PLCB1: variants seen among roughly 807,000 people sequenced by gnomAD.
The protein encoded by PLCB1 is phospholipase C beta 1, also known as 1-phosphatidylinositol 4,5-bisphosphate phosphodiesterase beta-1.
A neutral mutation model predicts 161.8 loss-of-function variants in PLCB1; 46 were observed. The ratio of observed to expected loss-of-function variants is 0.28; its 90% CI spans 0.22 to 0.36. The LOEUF (loss-of-function observed/expected upper bound fraction) is 0.36. Among genes scored for constraint, PLCB1 ranks in the 10% least tolerant of loss-of-function variants. The pLI, the probability that PLCB1 is intolerant of heterozygous loss-of-function variation, is 1.00. For synonymous variants in PLCB1, 517 were observed against 503.7 expected, an observed-to-expected ratio of 1.03 and a Z score of -0.35; for missense variants, 1,016 against 1,472.5, an observed-to-expected ratio of 0.69 and a Z score of 5.07.
chr20:8,349,823 T>C (rs1232783), intron 2 of PLCB1, among the ~76,000 whole-genome samples: 28,957 of 151,906 alleles, frequency 0.19, 3,083 homozygotes, highest in East Asian at 0.38. Flanking sequence ...GGGGTCAGAA[T>C]GGTCTGTGGA....
rs777647424 is a variant in PLCB1, at chr20:8,132,741, G to A, written c.90G>A (p.Lys30=). ...TCAAGAAGGGCACCAAATTCGTCAA[G>A]TGGGATGATGTAAGTATTGGGGCGG... ...DSLKKGTKFV[K]WDDDSTIVTP... Residue 30 remains lysine (K), a synonymous_variant, in exon 1 of 32, where the codon AAG becomes AAA. Coordinates refer to ENST00000338037, the MANE Select transcript of PLCB1 (RefSeq NM_015192.4). The surrounding 1 kb of genome is among the most constrained non-coding windows in gnomAD (Gnocchi z 5.2). 3.1e-6 allele frequency: 5 copies of A among 1,610,648 alleles called. No individual in the cohort carries two copies. The highest frequency in any genetic ancestry group is 2.2e-5 in the East Asian group (1 of 44,818).
chr20:8,668,626 G>A (rs1271632224), intron 9 of PLCB1, among the ~76,000 whole-genome samples: 1 of 152,130 alleles, frequency 6.6e-6, no homozygotes, highest in African/African-American at 2.4e-5. Flanking sequence ...AGAGAAAGCA[G>A]CTTACAAAAA....
At chr20:8,359,733 C>A (rs1248627182) in intron 2 of PLCB1, among the ~76,000 whole-genome samples, 2 of 152,064 alleles carry the variant, frequency 1.3e-5, no homozygotes, top group African/African-American at 4.8e-5. Context: ...TGACTGAGAA[C>A]CCCTAGTCTC....
chr20:8,227,609 C>A (rs1488169547), intron 2 of PLCB1, among the ~76,000 whole-genome samples: 1 of 152,170 alleles, frequency 6.6e-6, no homozygotes, highest in East Asian at 1.9e-4. Context: ...TTCACCCCTA[C>A]CAACCCACAC....
At chr20:8,215,961 C>T (rs978350729) in intron 2 of PLCB1, among the ~76,000 whole-genome samples, 2 of 151,994 alleles carry the variant, frequency 1.3e-5, no homozygotes, top group Admixed American at 6.6e-5. Flanking sequence ...TTTGATGATA[C>T]CCACATCATT....
At chr20:8,691,775 G>A (rs1440880695) in intron 10 of PLCB1, among the ~76,000 whole-genome samples, 2 of 152,138 alleles carry the variant, frequency 1.3e-5, no homozygotes, top group Non-Finnish European at 2.9e-5. Context: ...ATGCCCAGAA[G>A]TAAAAATAAA....
At position 8,227,161 on chromosome 20, in the gene PLCB1, C is replaced by A. The variant is rs184260439; in HGVS notation, c.177+76790C>A. On this transcript the variant is annotated intron_variant, in intron 2 of 31. Transcript: ENST00000338037. The stretch of plus-strand genomic sequence containing the variant: ...TCCCAGAGTGTGTATTTTTCCCTCA[C>A]AATACACCTTAGTTTGGACCAGCCA... Among the ~76,000 whole-genome samples the A allele has an allele frequency of 7.5e-3, 1,142 of 152,154 alleles. 12 individuals carry two copies. Among genetic ancestry groups the A allele is most frequent in the African/African-American group, 0.025 (1,019 of 41,486 alleles).
Position 8,881,763 on chromosome 20 carries a change from G to A in PLCB1, c.3565G>A (p.Asp1189Asn), listed in dbSNP as rs755106892. Residue 1189 changes from aspartate to asparagine, a missense_variant, in exon 32 of 32, where the codon GAC becomes AAC. By Grantham distance (23) the Asp-to-Asn change is conservative. Coordinates refer to ENST00000338037, the MANE Select transcript of PLCB1 (RefSeq NM_015192.4). The part of the protein sequence containing the change: ...HGSAPLSLSS[D>N]PGKVNHKTPS... Reference sequence around the variant, plus strand: ...TTCTGCCCCTCTCTCCCTGTCCTCAGACCCTGGAAAAGTGAACCACAAGAC... The same window carrying A: ...TTCTGCCCCTCTCTCCCTGTCCTCAAACCCTGGAAAAGTGAACCACAAGAC... 28 of 1,614,094 alleles carry A rather than the reference G, an allele frequency of 1.7e-5. 1 individual carries two copies. The South Asian group carries it at 3.1e-4, about 18-fold the overall frequency.
At chr20:8,840,128 A>T (rs1028072409) in intron 31 of PLCB1, among the ~76,000 whole-genome samples, 1 of 151,832 alleles carries the variant, frequency 6.6e-6, no homozygotes, top group African/African-American at 2.4e-5. Context: ...TGTTCTGTTC[A>T]TATCACATAG....
intron 2 of PLCB1, among the ~76,000 whole-genome samples, chr20:8,296,958 G>A (rs1354628763): frequency 1.3e-5 from 2 of 151,916 alleles, no homozygotes; most frequent in African/African-American, 2.4e-5. Context: ...CTACTCAGTC[G>A]CAGCCTTTTC....
rs141482380 is a variant in PLCB1, at chr20:8,767,002, C to T, written c.2930+1644C>T. On this transcript the variant is annotated intron_variant, in intron 26 of 31. Coordinates refer to ENST00000338037, the MANE Select transcript of PLCB1 (RefSeq NM_015192.4). ...AATTCTTGATTTGTTTTAAAAAGAT[C>T]GTAAAATATGGGGTCAGAGGCCTGG... Among the ~76,000 whole-genome samples the T allele has an allele frequency of 3.7e-3, 557 of 152,064 alleles. 5 individuals carry two copies. The highest frequency in any genetic ancestry group is 0.013 in the African/African-American group (530 of 41,484).
intron 2 of PLCB1, chr20:8,306,273 A>G (rs1213443209): frequency 1.3e-5 from 2 of 152,200 alleles, no homozygotes; most frequent in Non-Finnish European, 2.9e-5. Flanking sequence ...GTCTCAGACA[A>G]GTCTTCAACT....
At chr20:8,324,676 G>A (rs1046607121) in intron 2 of PLCB1, among the ~76,000 whole-genome samples, 2 of 152,170 alleles carry the variant, frequency 1.3e-5, no homozygotes, top group Non-Finnish European at 2.9e-5. Flanking sequence ...GACCATTAAT[G>A]TTCTCTCATT....
intron 2 of PLCB1, among the ~76,000 whole-genome samples, chr20:8,323,623 C>T (rs1985013714): frequency 6.6e-6 from 1 of 152,066 alleles, no homozygotes. Context: ...TGAGGGAGCA[C>T]CAGGCAATAG....
intron 11 of PLCB1, among the ~76,000 whole-genome samples, chr20:8,701,327 G>A (rs1008771548): frequency 7.2e-5 from 11 of 152,206 alleles, no homozygotes; most frequent in African/African-American, 1.9e-4. Flanking sequence ...GGCTGGCCCC[G>A]CCTCACAGCC....
intron 2 of PLCB1, among the ~76,000 whole-genome samples, chr20:8,350,663 C>T (rs1359682055): frequency 6.6e-6 from 1 of 152,126 alleles, no homozygotes; most frequent in Admixed American, 6.5e-5. Context: ...TGAGGAATCA[C>T]CACAATGTCT....
At chr20:8,618,959 A>T (rs981491013) in intron 3 of PLCB1, among the ~76,000 whole-genome samples, 2 of 152,202 alleles carry the variant, frequency 1.3e-5, no homozygotes, top group African/African-American at 4.8e-5. Flanking sequence ...AAGGAAATAA[A>T]TCTGAAAATC....
At chr20:8,595,342 T>C (rs1987304186) in intron 3 of PLCB1, among the ~76,000 whole-genome samples, 1 of 144,542 alleles carries the variant, frequency 6.9e-6, no homozygotes, top group Non-Finnish European at 1.5e-5. Flanking sequence ...TGAGCGAGAA[T>C]ATGCGGTGTT....
chr20:8,232,080 G>C (rs75963797), intron 2 of PLCB1, among the ~76,000 whole-genome samples: 1 of 152,054 alleles, frequency 6.6e-6, no homozygotes, highest in Non-Finnish European at 1.5e-5. Context: ...GGTGGTGTGC[G>C]TCTGTAGTCC....
Sources: allele counts gnomAD v4.1 joint callset (sites outside exome capture counted in the v4.1 genomes callset), GRCh38; gene constraint gnomAD v4.1.1; non-coding constraint Gnocchi (gnomAD v3.1); transcripts MANE v1.5; gene names NCBI Gene and HGNC (gene_info 2026-07-23, HGNC 2026-07-21).